The following SLC16A5 variants were observed in gnomAD, a reference collection of about 807,000 sequenced individuals.
SLC16A5 encodes the protein solute carrier family 16 member 5.
A neutral mutation model predicts 33.2 loss-of-function variants in SLC16A5; 29 were observed. That is an observed-to-expected ratio of 0.87 (90% CI 0.65 to 1.19). The LOEUF is 1.19. Among genes scored for constraint, SLC16A5 ranks in the 50% most tolerant of loss-of-function variants. SLC16A5 has a pLI of 0.00. For synonymous variants in SLC16A5, 248 were observed against 284.1 expected (o/e 0.87, Z 1.28); for missense variants, 606 against 678.2 (o/e 0.89, Z 1.18).
At chr17:75,089,755 GA>G (rs58540678) in intron 2 of SLC16A5, 29,711 of 88,736 alleles carry the variant, frequency 0.33, 3,968 homozygotes, top group East Asian at 0.63. Flanking sequence ...CTTCATCTCA[GA>G]AAAAAAAAAA....
rs1204068700 is a variant in SLC16A5 at position 75,100,613 on chromosome 17, T to C, written c.950T>C (p.Leu317Pro). ...AGCCTGGCACTCCTGCTCAATGGGC[T>C]CACTAACCTGGTGTGTGCGGCATCA... ...LFSLALLLNG[L>P]TNLVCAASGD... The change falls in exon 5 of 7, where the codon CTC becomes CCC. Residue 317 changes from leucine (L) to proline (P), a missense_variant. Leu to Pro is a moderately conservative substitution (Grantham distance 98, BLOSUM62 -3). Transcript: ENST00000329783. 1.9e-6 allele frequency: 3 copies of C among 1,614,080 alleles called. No homozygotes were observed. Among genetic ancestry groups the C allele is most frequent in the Non-Finnish European group, 2.5e-6 (3 of 1,180,040 alleles).
At chr17:75,092,126 T>A (rs2073646645) in intron 2 of SLC16A5, among the ~76,000 whole-genome samples, 1 of 152,000 alleles carries the variant, frequency 6.6e-6, no homozygotes, top group African/African-American at 2.4e-5. Flanking sequence ...TCTGAGCATG[T>A]ATGCATGTGT....
chr17:75,105,047 G>A (rs1029036096), intron 6 of SLC16A5: 2 of 985,340 alleles, frequency 2.0e-6, no homozygotes, highest in Non-Finnish European at 2.4e-6. Context: ...AAGTGACCCA[G>A]CCCTCACCTG....
At chr17:75,101,261 A>G (rs1468277820) in intron 5 of SLC16A5, among the ~76,000 whole-genome samples, 3 of 145,838 alleles carry the variant, frequency 2.1e-5, no homozygotes, top group East Asian at 2.1e-4. Flanking sequence ...AAAGAAAAAA[A>G]AAAAAGCATG....
rs1441321177 is a variant in SLC16A5 at position 75,098,111 on chromosome 17, C to T, written c.273C>T (p.Ser91=). ...VTVMLGGVLA[S]LGMVASSFSH... is the part of the protein sequence containing the mutation. ...TGATGCTGGGGGGCGTGCTGGCCAGCCTGGGCATGGTGGCCAGCTCCTTCT... is the reference window on the plus strand; with the variant it reads ...TGATGCTGGGGGGCGTGCTGGCCAGTCTGGGCATGGTGGCCAGCTCCTTCT... The change falls in exon 4 of 7, where the codon AGC becomes AGT. Residue 91 remains serine, a synonymous_variant. Coordinates refer to ENST00000329783, the MANE Select transcript of SLC16A5 (RefSeq NM_004695.4). 5 of 1,611,970 alleles carry T rather than the reference C, an allele frequency of 3.1e-6. No individual in the cohort carries two copies. The highest frequency in any genetic ancestry group is 4.2e-6 in the Non-Finnish European group (5 of 1,179,178).
chr17:75,100,366 A>G lies in SLC16A5; in HGVS notation c.703A>G (p.Asn235Asp), dbSNP rs1301372510. ...RHLAFDILRHNTGYCVYILGV... is the reference protein window; with the variant it reads ...RHLAFDILRHDTGYCVYILGV... ...CCTGGCCTTCGACATCCTGCGGCACAACACAGGCTACTGCGTGTACATACT... is the reference window on the plus strand; with the variant it reads ...CCTGGCCTTCGACATCCTGCGGCACGACACAGGCTACTGCGTGTACATACT... The change falls in exon 5 of 7, where the codon AAC becomes GAC. Residue 235 changes from asparagine (N) to aspartate (D), a missense_variant. By Grantham distance (23) the Asn-to-Asp change is conservative. Transcript: ENST00000329783. 6.2e-7 allele frequency: 1 copy of G among 1,614,032 alleles called. No individual in the cohort carries two copies. The highest frequency in any genetic ancestry group is 8.5e-7 in the Non-Finnish European group (1 of 1,180,044).
At chr17:75,090,462 C>CTT (rs71159429) in intron 2 of SLC16A5, 23 of 122,324 alleles carry the variant, frequency 1.9e-4, no homozygotes, top group African/African-American at 7.8e-4. Flanking sequence ...CTTTTCTTTT[C>CTT]TTTTTTTTTT....
chr17:75,089,572 G>A (rs2073610478), intron 2 of SLC16A5, among the ~76,000 whole-genome samples: 1 of 151,892 alleles, frequency 6.6e-6, no homozygotes, highest in East Asian at 1.9e-4. Context: ...TGGCCGATAT[G>A]GTGAAACCCC....
At chr17:75,096,922 T>C (rs952010498) in intron 3 of SLC16A5, among the ~76,000 whole-genome samples, 32 of 140,376 alleles carry the variant, frequency 2.3e-4, no homozygotes, top group African/African-American at 8.5e-4. Context: ...GCCTCCCAGG[T>C]TCAAGCGATT....
Position 75,100,597 on chromosome 17 carries a change from C to T in SLC16A5, c.934C>T (p.Leu312Phe), listed in dbSNP as rs2073782253. 3 of 1,614,262 alleles carry T rather than the reference C, an allele frequency of 1.9e-6. No homozygotes were observed. The highest frequency in any genetic ancestry group is 4.5e-5 in the East Asian group (2 of 44,890). ...CCGCAAGTACCTGTTCAGCCTGGCA[C>T]TCCTGCTCAATGGGCTCACTAACCT... Reference protein sequence around the residue: ...SHRKYLFSLALLLNGLTNLVC... With the variant: ...SHRKYLFSLAFLLNGLTNLVC... Residue 312 changes from leucine (L) to phenylalanine (F), a missense_variant, in exon 5 of 7, where the codon CTC (leucine) becomes TTC (phenylalanine). By Grantham distance (22) the Leu-to-Phe change is conservative (BLOSUM62 0). Coordinates refer to ENST00000329783, the MANE Select transcript of SLC16A5 (RefSeq NM_004695.4).
At position 75,098,096 on chromosome 17, in the gene SLC16A5, G is replaced by A; in HGVS notation, c.258G>A (p.Gly86=). 6.2e-7 allele frequency: 1 copy of A among 1,610,210 alleles called. No individual in the cohort carries two copies. The highest frequency in any genetic ancestry group is 1.1e-5 in the South Asian group (1 of 90,464). ...RFGCRVTVML[G]GVLASLGMVA... is the part of the protein sequence containing the mutation. ...GCTGCCGAGTGACCGTGATGCTGGG[G>A]GGCGTGCTGGCCAGCCTGGGCATGG... The change falls in exon 4 of 7, where the codon GGG becomes GGA. Residue 86 remains glycine (G), a synonymous_variant. Coordinates refer to ENST00000329783, the MANE Select transcript of SLC16A5 (RefSeq NM_004695.4).
rs199974258 is a variant in SLC16A5 at position 75,093,841 on chromosome 17, C to T, written c.199+6C>T. Reference sequence around the variant, plus strand: ...GGCTGTGCTCCACATGGCAGGTGAGCGGCCTAGGGAGGGGCCGATGAGAAA... The same window carrying T: ...GGCTGTGCTCCACATGGCAGGTGAGTGGCCTAGGGAGGGGCCGATGAGAAA... On this transcript the variant is annotated splice_donor_region_variant and intron_variant, in intron 3 of 6. Transcript: ENST00000329783. 75 of 1,612,864 alleles carry T rather than the reference C, an allele frequency of 4.7e-5. No individual in the cohort carries two copies. Among genetic ancestry groups the T allele is most frequent in the East Asian group, 1.1e-4 (5 of 44,876 alleles).
chr17:75,101,300 C>T (rs779447786), intron 5 of SLC16A5, among the ~76,000 whole-genome samples: 14 of 149,226 alleles, frequency 9.4e-5, no homozygotes, highest in Non-Finnish European at 1.9e-4. Flanking sequence ...GTGGCTCACG[C>T]CTGTAATCCC....
chr17:75,107,373 T>C (rs952502254), downstream of SLC16A5, among the ~76,000 whole-genome samples: 1 of 152,098 alleles, frequency 6.6e-6, no homozygotes, highest in Non-Finnish European at 1.5e-5. Context: ...TAGGCAAGAA[T>C]AGCAATCATC....
intron 6 of SLC16A5, chr17:75,105,040 T>C (rs975726001): frequency 2.0e-6 from 2 of 985,344 alleles, no homozygotes; most frequent in African/African-American, 3.5e-5. Flanking sequence ...TCTTCCCAAG[T>C]GACCCAGCCC....
At chr17:75,109,350 G>A (rs187026703), downstream of SLC16A5, among the ~76,000 whole-genome samples, 1 of 152,296 alleles carries the variant, frequency 6.6e-6, no homozygotes, top group African/African-American at 2.4e-5. This position sits in a 1 kb window ranked among gnomAD's most constrained non-coding sequence, Gnocchi z 5.0. Flanking sequence ...GATGGAGGGC[G>A]GGTCGGGGTC....
At chr17:75,105,216 G>C (rs1054664937) in intron 6 of SLC16A5, 1 of 985,298 alleles carries the variant, frequency 1.0e-6, no homozygotes, top group Admixed American at 6.1e-5. Context: ...TCCTAGAATC[G>C]GTGAAGTCTG....
intron 1 of SLC16A5, among the ~76,000 whole-genome samples, chr17:75,088,532 A>G (rs970928755): frequency 1.2e-4 from 19 of 152,122 alleles, no homozygotes; most frequent in African/African-American, 4.1e-4. Flanking sequence ...CCCTAGGCCA[A>G]CCACAGGGTT....
At chr17:75,105,186 A>AG (rs1448084618) in intron 6 of SLC16A5, 11 of 985,246 alleles carry the variant, frequency 1.1e-5, no homozygotes, top group Non-Finnish European at 1.2e-5. Context: ...AGAGAACGGG[A>AG]GGGGGGCCCC....
Sources: allele counts gnomAD v4.1 joint callset (sites outside exome capture counted in the v4.1 genomes callset), GRCh38; gene constraint gnomAD v4.1.1; non-coding constraint Gnocchi (gnomAD v3.1); transcripts MANE v1.5; gene names NCBI Gene and HGNC (gene_info 2026-07-23, HGNC 2026-07-21).